Variants in ROBO2 observed in about 807,000 individuals in gnomAD.
ROBO2 encodes the protein roundabout guidance receptor 2.
Under a neutral mutation model 160.8 loss-of-function variants are expected in ROBO2, and 53 were observed. The observed-to-expected ratio is 0.33, with a 90% CI of 0.26 to 0.41. The LOEUF (loss-of-function observed/expected upper bound fraction) is 0.41. Among genes scored for constraint, ROBO2 ranks in the 10% least tolerant of loss-of-function variants. ROBO2 has a pLI of 1.00. For synonymous variants in ROBO2, 664 were observed against 611.7 expected (o/e 1.09, Z -1.26); for missense variants, 1,577 against 1,722.4 (o/e 0.92, Z 1.49).
intron 2 of ROBO2, among the ~76,000 whole-genome samples, chr3:76,256,276 C>T (rs1223369931): frequency 6.7e-6 from 1 of 148,460 alleles, no homozygotes; most frequent in East Asian, 2.0e-4. Context: ...TGCCACTGCA[C>T]TGCAGCCTGG....
intron 2 of ROBO2, among the ~76,000 whole-genome samples, chr3:77,432,716 T>A (rs1410030922): frequency 6.6e-6 from 1 of 152,194 alleles, no homozygotes; most frequent in Non-Finnish European, 1.5e-5. Flanking sequence ...TATCACTGAA[T>A]GGTCTTTAAT....
rs1404414001 is a variant in ROBO2, at chr3:77,116,747, G to C, written c.388+18407G>C. ...TTGGCTACGGTTCTTGTCTTTTTCT[G>C]TGCTATGCTTGGCAAGTCTTTCGCC... On this transcript the variant is annotated intron_variant, in intron 2 of 25. Transcript: ENST00000461745. Among the ~76,000 whole-genome samples the C allele has an allele frequency of 1.2e-4, 19 of 152,244 alleles. No homozygotes were observed. The East Asian group carries it at 3.3e-3, about 26-fold the overall frequency.
chr3:77,221,562 GTC>G (rs1458734532), intron 2 of ROBO2, among the ~76,000 whole-genome samples: 5 of 151,774 alleles, frequency 3.3e-5, no homozygotes, highest in Admixed American at 3.3e-4. Context: ...CTCTGTTTTG[GTC>G]TCTCCCTAGA....
intron 2 of ROBO2, among the ~76,000 whole-genome samples, chr3:76,449,813 C>A (rs2077385048): frequency 1.3e-5 from 2 of 152,082 alleles, no homozygotes; most frequent in Admixed American, 1.3e-4. Context: ...ATAAAGGAAT[C>A]ACGAATAAAC....
chr3:77,417,105 A>T (rs1183331877), intron 2 of ROBO2, among the ~76,000 whole-genome samples: 3 of 152,206 alleles, frequency 2.0e-5, no homozygotes, highest in East Asian at 1.9e-4. Context: ...AAGAAAACTC[A>T]GGAAAACTAG....
intron 2 of ROBO2, among the ~76,000 whole-genome samples, chr3:76,673,177 C>G (rs1173599755): frequency 6.7e-6 from 1 of 149,778 alleles, no homozygotes; most frequent in African/African-American, 2.5e-5. Context: ...AACGGTTCAT[C>G]TCCAGTAACC....
intron 2 of ROBO2, among the ~76,000 whole-genome samples, chr3:76,030,728 A>C (rs1370088118): frequency 6.6e-6 from 1 of 151,870 alleles, no homozygotes; most frequent in African/African-American, 2.4e-5. Context: ...TGTTCTATGT[A>C]TCTGTTTTGG....
chr3:76,497,103 G>C (rs1000126042), intron 2 of ROBO2, among the ~76,000 whole-genome samples: 9 of 152,200 alleles, frequency 5.9e-5, no homozygotes, highest in Non-Finnish European at 1.3e-4. Flanking sequence ...TTATGTGGTT[G>C]TTTTTCAAAC....
At chr3:77,459,463 T>C (rs2082012723) in intron 2 of ROBO2, among the ~76,000 whole-genome samples, 1 of 152,238 alleles carries the variant, frequency 6.6e-6, no homozygotes, top group Non-Finnish European at 1.5e-5. Flanking sequence ...GATACCATTC[T>C]AGACTCTGGA....
At chr3:77,389,324 T>G (rs2074463755) in intron 2 of ROBO2, among the ~76,000 whole-genome samples, 1 of 152,166 alleles carries the variant, frequency 6.6e-6, no homozygotes, top group Non-Finnish European at 1.5e-5. Context: ...TGTGCCTATG[T>G]GTATTTAAAT....
chr3:76,537,305 T>C (rs146533565), intron 2 of ROBO2, among the ~76,000 whole-genome samples: 1,805 of 152,186 alleles, frequency 0.012, 33 homozygotes, highest in African/African-American at 0.04. Context: ...ATTATCTAAG[T>C]CTTGTAGGAT....
intron 2 of ROBO2, among the ~76,000 whole-genome samples, chr3:76,257,339 T>G (rs1174995709): frequency 6.6e-6 from 1 of 152,140 alleles, no homozygotes; most frequent in Non-Finnish European, 1.5e-5. Flanking sequence ...TAGAAATAAC[T>G]TATATGTATT....
At chr3:77,177,033 G>A (rs2080228347) in intron 2 of ROBO2, among the ~76,000 whole-genome samples, 1 of 149,924 alleles carries the variant, frequency 6.7e-6, no homozygotes, top group Admixed American at 6.7e-5. Context: ...TTAAAAAAAT[G>A]GAAAAAACAC....
intron 15 of ROBO2, among the ~76,000 whole-genome samples, chr3:77,578,011 G>A (rs939392681): frequency 1.3e-5 from 2 of 151,878 alleles, no homozygotes; most frequent in African/African-American, 2.4e-5. Context: ...AAGATGCTTC[G>A]GGGGTTAAAG....
exon 26 of ROBO2, chr3:77,646,195 C>T: frequency 2.0e-6 from 1 of 512,302 alleles, no homozygotes; most frequent in South Asian, 4.3e-5. Flanking sequence ...AGACACACAG[C>T]CACACATATC....
intron 2 of ROBO2, among the ~76,000 whole-genome samples, chr3:77,277,316 C>T (rs1242356622): frequency 4.0e-5 from 6 of 150,752 alleles, no homozygotes; most frequent in Non-Finnish European, 7.4e-5. Flanking sequence ...ATTTTAAGTT[C>T]AGGTGTACAT....
chr3:76,059,457 A>C (rs907081243), intron 2 of ROBO2, among the ~76,000 whole-genome samples: 7 of 152,126 alleles, frequency 4.6e-5, no homozygotes, highest in Non-Finnish European at 8.8e-5. Context: ...TCTTTTGAGA[A>C]GTGTCTATTC....
intron 2 of ROBO2, among the ~76,000 whole-genome samples, chr3:76,327,592 C>A (rs1026204370): frequency 6.6e-6 from 1 of 152,064 alleles, no homozygotes; most frequent in Non-Finnish European, 1.5e-5. Flanking sequence ...AGAAGATGAT[C>A]CTTGGACACT....
chr3:77,269,118 T>C (rs2059323422), intron 2 of ROBO2, among the ~76,000 whole-genome samples: 1 of 106,842 alleles, frequency 9.4e-6, no homozygotes, highest in Admixed American at 9.5e-5. Context: ...GTTTCATAAT[T>C]TTTTTTTCCT....
Sources: allele counts gnomAD v4.1 joint callset (sites outside exome capture counted in the v4.1 genomes callset), GRCh38; gene constraint gnomAD v4.1.1; transcripts MANE v1.5; gene names NCBI Gene and HGNC (gene_info 2026-07-23, HGNC 2026-07-21).